Variants in OPA1 observed in about 807,000 individuals in gnomAD.
The protein encoded by OPA1 is OPA1 mitochondrial dynamin like GTPase.
Under a neutral mutation model 152.9 loss-of-function variants are expected in OPA1, and 59 were observed. That is an observed-to-expected ratio of 0.39 (90% CI 0.31 to 0.48). OPA1 has a LOEUF of 0.48. Ranked by LOEUF, OPA1 falls within the 20% of genes least tolerant of loss-of-function variation. The pLI is 0.96. For missense variants in OPA1, 1,008 were observed against 1,216.8 expected, an observed-to-expected ratio of 0.83 and a Z score of 2.55; for synonymous variants, 400 against 389.9, an observed-to-expected ratio of 1.03 and a Z score of -0.31.
In OPA1 at chr3:193,615,075, TTA is replaced by T. The variant is rs774795565; in HGVS notation, c.351+38_351+39del. ...GACATTCCTCCTGGTTTTCCAATTATTATATCATGATTAAGTTTCTATAGCAT... is the reference window on the plus strand; with the variant it reads ...GACATTCCTCCTGGTTTTCCAATTATTATCATGATTAAGTTTCTATAGCAT... On this transcript the variant is annotated intron_variant, in intron 2 of 30. Coordinates refer to ENST00000361510, the MANE Select transcript of OPA1 (RefSeq NM_130837.3). 3 of 1,493,858 alleles carry T rather than the reference TTA, an allele frequency of 2.0e-6. No individual in the cohort carries two copies. In the East Asian group the frequency reaches 6.8e-5, roughly 34 times the overall value. The allele number at this position is 1,493,858 out of a possible 1,614,324, so 92.5% of individuals were successfully genotyped here. A position where few individuals can be genotyped will look rare whatever the true frequency, so the allele number is the denominator to read the frequency against.
At chr3:193,640,366 G>T (rs1395337673) in intron 11 of OPA1, among the ~76,000 whole-genome samples, 1 of 152,164 alleles carries the variant, frequency 6.6e-6, no homozygotes, top group Non-Finnish European at 1.5e-5. Context: ...GCAAAGTCAG[G>T]TAAACAAAAA....
chr3:193,639,818 A>C (rs1182988080), intron 11 of OPA1, among the ~76,000 whole-genome samples: 1 of 152,204 alleles, frequency 6.6e-6, no homozygotes, highest in African/African-American at 2.4e-5. Context: ...TGGGCTAGGG[A>C]AGTAGCAGTG....
intron 28 of OPA1, 45 bp from the exon 29 acceptor site, chr3:193,667,125 T>G: frequency 1.1e-6 from 1 of 898,764 alleles, no homozygotes; most frequent in Non-Finnish European, 1.9e-6. Context: ...CTTTATTCAT[T>G]TATAAAAACG....
intron 26 of OPA1, 150 bp from the exon 27 acceptor site, chr3:193,664,729 TA>T (rs1445737727): frequency 2.0e-5 from 12 of 592,640 alleles, no homozygotes; most frequent in Non-Finnish European, 3.6e-5. Context: ...AGTAAGTGAA[TA>T]AAAAAATTTG....
At chr3:193,622,878 C>G (rs530905763) in intron 6 of OPA1, among the ~76,000 whole-genome samples, 1 of 152,210 alleles carries the variant, frequency 6.6e-6, no homozygotes, top group South Asian at 2.1e-4. Flanking sequence ...TTGATGCCAA[C>G]AAAATTTTGG....
chr3:193,651,627 A>C (rs956280533), intron 21 of OPA1, among the ~76,000 whole-genome samples: 1 of 152,212 alleles, frequency 6.6e-6, no homozygotes, highest in Admixed American at 6.5e-5. Context: ...AGAGCAGATT[A>C]CTGCTCTATG....
chr3:193,625,948 G>T, intron 6 of OPA1, 144 bp from the exon 7 acceptor site: 2 of 708,480 alleles, frequency 2.8e-6, no homozygotes, highest in Non-Finnish European at 2.6e-6. Flanking sequence ...AGAGCCCAAG[G>T]GTATGACGGC....
chr3:193,667,187 A>C lies in OPA1; in HGVS notation c.2890A>C (p.Asn964His), dbSNP rs1716766831. ...TNTEVRRLEK[N>H]VKEVLEDFAE... Reference sequence around the variant, plus strand: ...TTAAACAGTTAGGCGATTAGAGAAAAATGTTAAAGAGGTATTGGAAGATTT... The same window carrying C: ...TTAAACAGTTAGGCGATTAGAGAAACATGTTAAAGAGGTATTGGAAGATTT... Residue 964 changes from asparagine to histidine, a missense_variant, in exon 29 of 31, where the codon AAT becomes CAT. Coordinates refer to ENST00000361510, the MANE Select transcript of OPA1 (RefSeq NM_130837.3). 1 of 1,578,240 alleles carries C rather than the reference A, an allele frequency of 6.3e-7. No homozygotes were observed. The highest frequency in any genetic ancestry group is 1.3e-5 in the African/African-American group (1 of 74,156).
Position 193,617,216 on chromosome 3 carries a change from G to A in OPA1, c.487G>A (p.Val163Ile). The A allele has an allele frequency of 6.2e-7, 1 of 1,612,938 alleles. No individual in the cohort carries two copies. Among genetic ancestry groups the A allele is most frequent in the East Asian group, 2.2e-5 (1 of 44,806 alleles). Residue 163 changes from valine (V) to isoleucine (I), a missense_variant, in exon 4 of 31, where the codon GTA becomes ATA. Val to Ile is a conservative substitution (Grantham distance 29, BLOSUM62 3). This residue lies in a region of OPA1 where 408 missense variants were observed against 395.1 expected (regional missense o/e 1.03). Transcript: ENST00000361510. ...RKALPSSEDL[V>I]KLAPDFDKIV... is the part of the protein sequence containing the mutation. ...AGCCCTTCCTAGTTCAGAAGACCTT[G>A]TAAAGTTAGCACCAGACTTTGACAA...
chr3:193,636,173 C>CT (rs1490163799), intron 9 of OPA1, among the ~76,000 whole-genome samples: 2 of 151,904 alleles, frequency 1.3e-5, no homozygotes, highest in Non-Finnish European at 2.9e-5. Flanking sequence ...CATGTACATT[C>CT]TGTAGTCAAG....
chr3:193,645,718 T>C lies in OPA1; in HGVS notation c.1682-10T>C, dbSNP rs1217698694. 1 of 1,613,394 alleles carries C rather than the reference T, an allele frequency of 6.2e-7. No individual in the cohort carries two copies. Among genetic ancestry groups the C allele is most frequent in the Non-Finnish European group, 8.5e-7 (1 of 1,179,500 alleles). ...TTCTTGATGAAAATTTGACCATCAT[T>C]CTTCCCCAGGGAACAGCTCTGAAAG... On this transcript the variant is annotated splice_polypyrimidine_tract_variant and intron_variant, in intron 17 of 30. Coordinates refer to ENST00000361510, the MANE Select transcript of OPA1 (RefSeq NM_130837.3).
At chr3:193,641,843 A>G (rs899290894) in intron 11 of OPA1, among the ~76,000 whole-genome samples, 1 of 152,236 alleles carries the variant, frequency 6.6e-6, no homozygotes, top group Non-Finnish European at 1.5e-5. Flanking sequence ...GGCTGGGTGC[A>G]GTGGCTCATG....
At chr3:193,648,504 A>G (rs1711586787) in intron 20 of OPA1, 2 of 390,836 alleles carry the variant, frequency 5.1e-6, no homozygotes, top group South Asian at 5.6e-5. Flanking sequence ...ATATATAGTT[A>G]CTGATGTACT....
chr3:193,607,389 T>A (rs1300331715), intron 1 of OPA1, among the ~76,000 whole-genome samples: 2 of 152,262 alleles, frequency 1.3e-5, no homozygotes, highest in Non-Finnish European at 2.9e-5. Flanking sequence ...CTAGGATTTT[T>A]ATGGTTTTAG....
intron 29 of OPA1, among the ~76,000 whole-genome samples, chr3:193,672,207 T>A (rs1718085811): frequency 6.6e-6 from 1 of 152,212 alleles, no homozygotes; most frequent in Non-Finnish European, 1.5e-5. Flanking sequence ...TCAAAGTTGT[T>A]CTTTCTATTA....
intron 6 of OPA1, among the ~76,000 whole-genome samples, chr3:193,619,244 T>TC (rs1217388820): frequency 6.6e-6 from 1 of 152,182 alleles, no homozygotes; most frequent in Non-Finnish European, 1.5e-5. Flanking sequence ...CAAGCGGACT[T>TC]CTTTTCTTTC....
intron 29 of OPA1, among the ~76,000 whole-genome samples, chr3:193,685,196 G>A (rs1242443023): frequency 2.6e-5 from 4 of 152,030 alleles, no homozygotes; most frequent in South Asian, 2.1e-4. Flanking sequence ...CAGCTACTCC[G>A]GAGGCTGAGG....
chr3:193,660,346 G>C (rs183733575), intron 25 of OPA1, among the ~76,000 whole-genome samples: 38 of 151,998 alleles, frequency 2.5e-4, no homozygotes, highest in African/African-American at 8.9e-4. Flanking sequence ...AATCTAAATA[G>C]AATATAGAAT....
In OPA1 at chr3:193,696,454, A is replaced by C. The variant is rs1722258542; in HGVS notation, c.*1854A>C. On this transcript the variant is annotated 3_prime_UTR_variant, in exon 31 of 31. Coordinates refer to ENST00000361510, the MANE Select transcript of OPA1 (RefSeq NM_130837.3). Reference sequence around the variant, plus strand: ...AACAATTAATATTACTAAAAGTCCCACATGAGAGTCCTGACGCCCTCTCCA... The same window carrying C: ...AACAATTAATATTACTAAAAGTCCCCCATGAGAGTCCTGACGCCCTCTCCA... 6.6e-6 allele frequency: 1 copy of C among 152,238 alleles called. No homozygotes were observed. The highest frequency in any genetic ancestry group is 2.4e-5 in the African/African-American group (1 of 41,460). The allele number at this position is 152,238 out of a possible 1,614,324, so 9.4% of individuals were successfully genotyped here.
Sources: gnomAD v4.1 joint callset for allele counts (sites outside exome capture counted in the v4.1 genomes callset) on GRCh38, gnomAD v4.1.1 for gene constraint, gnomAD v4.1.1 regional missense constraint, MANE v1.5 for transcripts, NCBI Gene and HGNC (gene_info 2026-07-23, HGNC 2026-07-21) for gene names.